Variants in FMO4 observed in about 807,000 individuals in gnomAD.
FMO4 encodes flavin containing dimethylaniline monoxygenase 4.
FMO4 carries 38 observed loss-of-function variants against 43.3 expected under a neutral mutation model. The ratio of observed to expected loss-of-function variants is 0.88; its 90% CI spans 0.68 to 1.15. The LOEUF is 1.15. FMO4 is among the 50% of genes most tolerant of loss of function. The pLI, the probability that FMO4 is intolerant of heterozygous loss-of-function variation, is 0.00. For synonymous variants in FMO4, 224 were observed against 232.2 expected (o/e 0.96, Z 0.32); for missense variants, 631 against 663.3 (o/e 0.95, Z 0.54).
chr1:171,330,545 GTCACGTCTTACAGGGT>G (rs1424923282), intron 5 of FMO4, among the ~76,000 whole-genome samples: 1 of 152,198 alleles, frequency 6.6e-6, no homozygotes, highest in Admixed American at 6.5e-5. Context: ...GAAGAGCAAA[GTCACGTCTTACAGGGT>G]GGCAGGCAAG....
Position 171,334,410 on chromosome 1 carries a change from G to T in FMO4, c.828-1G>T. The stretch of plus-strand genomic sequence containing the variant: ...GAATAATTTTCTCCTGTGTGTCAAA[G>T]GAAAAAAGCAAAATTCATTGTGAAT... On this transcript the variant is annotated splice_acceptor_variant, in intron 7 of 9. Transcript: ENST00000367749. LOFTEE classifies it high-confidence loss of function. 6.4e-7 allele frequency: 1 copy of T among 1,556,172 alleles called. No individual in the cohort carries two copies. The highest frequency in any genetic ancestry group is 1.2e-5 in the South Asian group (1 of 81,564).
chr1:171,332,344 A>G (rs2101898382), intron 6 of FMO4, among the ~76,000 whole-genome samples: 1 of 152,328 alleles, frequency 6.6e-6, no homozygotes, highest in South Asian at 2.1e-4. Context: ...TTAGATCTGG[A>G]AAGAATATAT....
chr1:171,329,303 G>A (rs932724078), intron 5 of FMO4, among the ~76,000 whole-genome samples: 1 of 152,106 alleles, frequency 6.6e-6, no homozygotes, highest in African/African-American at 2.4e-5. Flanking sequence ...TGTTACTGGG[G>A]ATGTCTCAAC....
At chr1:171,341,147 G>A (rs775356035) in intron 9 of FMO4, among the ~76,000 whole-genome samples, 15 of 150,430 alleles carry the variant, frequency 1.0e-4, no homozygotes, top group East Asian at 1.9e-4. Flanking sequence ...ACAACTTAAC[G>A]GAAAAAAAAA....
intron 7 of FMO4, chr1:171,333,113 A>G: frequency 2.3e-6 from 1 of 438,030 alleles, no homozygotes; most frequent in East Asian, 3.9e-5. Flanking sequence ...GTAGTGATTC[A>G]TGAGGCTGGA....
intron 8 of FMO4, among the ~76,000 whole-genome samples, chr1:171,336,143 A>G (rs1663106100): frequency 1.3e-5 from 2 of 152,080 alleles, no homozygotes; most frequent in Non-Finnish European, 2.9e-5. Context: ...TCGTGTGGAA[A>G]GTAAACACAC....
In FMO4 at chr1:171,332,776, A is replaced by C. The variant is rs1662956393; in HGVS notation, c.695A>C (p.Asn232Thr). 1.2e-6 allele frequency: 2 copies of C among 1,612,810 alleles called. No individual in the cohort carries two copies. The highest frequency in any genetic ancestry group is 8.5e-7 in the Non-Finnish European group (1 of 1,179,018). ...TCTTCAGATTGGGGCTATCCTTATA[A>C]TATGATGGTTACAAGAAGATGCTGT... ...GRSSDWGYPY[N>T]MMVTRRCCSF... The change falls in exon 7 of 10, where the codon AAT (asparagine) becomes ACT (threonine). Residue 232 changes from asparagine to threonine, a missense_variant. Transcript: ENST00000367749.
intron 3 of FMO4, among the ~76,000 whole-genome samples, chr1:171,322,309 A>C (rs892424532): frequency 2.6e-5 from 4 of 152,216 alleles, no homozygotes; most frequent in African/African-American, 9.6e-5. Flanking sequence ...GGCAAAAAGG[A>C]ACATGTCCAG....
chr1:171,336,202 G>C (rs1366655335), intron 8 of FMO4, among the ~76,000 whole-genome samples: 1 of 152,106 alleles, frequency 6.6e-6, no homozygotes, highest in Non-Finnish European at 1.5e-5. Context: ...TGGCCAGAAT[G>C]GGATGGCAAA....
chr1:171,341,328 G>T, intron 9 of FMO4, 85 bp from the exon 10 acceptor site: 1 of 937,624 alleles, frequency 1.1e-6, no homozygotes. Flanking sequence ...GTAACAAAAT[G>T]GTGGGAGGAT....
chr1:171,334,805 A>G, intron 8 of FMO4, 42 bp downstream of exon 8: 1 of 1,190,768 alleles, frequency 8.4e-7, no homozygotes, highest in Non-Finnish European at 1.2e-6. Flanking sequence ...GGATCGTAAA[A>G]TTGGTGCCCT....
intron 5 of FMO4, among the ~76,000 whole-genome samples, chr1:171,324,660 A>G (rs6684748): frequency 0.042 from 6,395 of 152,232 alleles, 445 homozygotes; most frequent in African/African-American, 0.14. Context: ...AATAGAACTT[A>G]CAGGAAGTGA....
intron 7 of FMO4, among the ~76,000 whole-genome samples, chr1:171,333,844 G>A (rs1364519364): frequency 6.6e-6 from 1 of 151,858 alleles, no homozygotes; most frequent in African/African-American, 2.4e-5. Flanking sequence ...TTTTTTTAAT[G>A]GAGTCTCACT....
In FMO4 at chr1:171,334,371, A is replaced by G. The variant is rs536929784; in HGVS notation, c.828-40A>G. Reference sequence around the variant, plus strand: ...AAATCATTTGCTGAAGTTTCTCATAAAAATAACTACAGTGAATAATTTTCT... The same window carrying G: ...AAATCATTTGCTGAAGTTTCTCATAGAAATAACTACAGTGAATAATTTTCT... On this transcript the variant is annotated intron_variant, in intron 7 of 9. Transcript: ENST00000367749. 17 of 1,287,980 alleles carry G rather than the reference A, an allele frequency of 1.3e-5. No homozygotes were observed. In the South Asian group the frequency reaches 2.3e-4, roughly 18 times the overall value. The allele number at this position is 1,287,980 out of a possible 1,614,324, so 79.8% of individuals were successfully genotyped here.
rs759173642 is a variant in FMO4, at chr1:171,337,465, A to C, written c.1250+40A>C. The C allele has an allele frequency of 3.7e-6, 5 of 1,338,016 alleles. No individual in the cohort carries two copies. The South Asian group carries it at 5.9e-5, about 16-fold the overall frequency. 82.9% of individuals were successfully genotyped at this position (1,338,016 alleles called of 1,614,324 possible). On this transcript the variant is annotated intron_variant, in intron 9 of 9. Coordinates refer to ENST00000367749, the MANE Select transcript of FMO4 (RefSeq NM_002022.3). The stretch of plus-strand genomic sequence containing the variant: ...TTGCTCTAGGGCAAACTTACAGTAT[A>C]TTCTGTTACAAAAAAAGGATTCAGA...
chr1:171,334,483 C>G lies in FMO4; in HGVS notation c.900C>G (p.Thr300=), dbSNP rs1318433937. The G allele has an allele frequency of 6.2e-7, 1 of 1,613,552 alleles. No individual in the cohort carries two copies. The highest frequency in any genetic ancestry group is 1.1e-5 in the South Asian group (1 of 90,948). ...TCTGTGGGGCAATCACTATGAAAAC[C>G]AGCGTGATTGAATTTACAGAAACCT... ...CILCGAITMK[T]SVIEFTETSA... is the part of the protein sequence containing the mutation. Residue 300 remains threonine (T), a synonymous_variant, in exon 8 of 10, where the codon ACC becomes ACG. Coordinates refer to ENST00000367749, the MANE Select transcript of FMO4 (RefSeq NM_002022.3).
At chr1:171,338,677 T>A (rs1166252314) in intron 9 of FMO4, among the ~76,000 whole-genome samples, 4 of 152,196 alleles carry the variant, frequency 2.6e-5, no homozygotes, top group Non-Finnish European at 4.4e-5. Flanking sequence ...CAACACTATA[T>A]GTGACAGCAA....
chr1:171,337,390 G>A lies in FMO4; in HGVS notation c.1215G>A (p.Met405Ile). The change falls in exon 9 of 10, where the codon ATG becomes ATA. Residue 405 changes from methionine (M) to isoleucine (I), a missense_variant. Met to Ile is a conservative substitution (Grantham distance 10). Coordinates refer to ENST00000367749, the MANE Select transcript of FMO4 (RefSeq NM_002022.3). Reference sequence around the variant, plus strand: ...AGATACCTCCATCCCAAAAATTGATGATGGAGGCTACTGAAAAGGAACAGC... The same window carrying A: ...AGATACCTCCATCCCAAAAATTGATAATGGAGGCTACTGAAAAGGAACAGC... The part of the protein sequence containing the change: ...LCKIPPSQKL[M>I]MEATEKEQLI... 1.2e-6 allele frequency: 2 copies of A among 1,613,140 alleles called. No homozygotes were observed. The highest frequency in any genetic ancestry group is 1.7e-6 in the Non-Finnish European group (2 of 1,179,208).
chr1:171,321,537 T>C (rs1183073709), intron 3 of FMO4, among the ~76,000 whole-genome samples: 1 of 152,206 alleles, frequency 6.6e-6, no homozygotes, highest in Non-Finnish European at 1.5e-5. Context: ...CTGTAATGTT[T>C]AGGGAATAAT....
Sources: gnomAD v4.1 joint callset for allele counts (sites outside exome capture counted in the v4.1 genomes callset) on GRCh38, gnomAD v4.1.1 for gene constraint, MANE v1.5 for transcripts, NCBI Gene and HGNC (gene_info 2026-07-23, HGNC 2026-07-21) for gene names.